The following CAP2 variants were observed in gnomAD, a reference collection of about 807,000 sequenced individuals.
CAP2 encodes the protein adenylyl cyclase-associated protein 2.
CAP2 carries 24 observed loss-of-function variants against 57.7 expected under a neutral mutation model. The observed-to-expected ratio is 0.42, with a 90% CI of 0.30 to 0.58. CAP2 has a LOEUF of 0.58. Ranked by LOEUF, CAP2 falls within the 20% of genes least tolerant of loss-of-function variation. The pLI is 0.22. For missense variants in CAP2, 501 were observed against 590.3 expected (o/e 0.85, Z 1.57); for synonymous variants, 194 against 207.2 (o/e 0.94, Z 0.55).
chr6:17,515,415 G>A (rs190882073), intron 7 of CAP2, among the ~76,000 whole-genome samples: 2 of 152,170 alleles, frequency 1.3e-5, no homozygotes, highest in Admixed American at 1.3e-4. Flanking sequence ...ATGGGTACAC[G>A]TGGACATAAA....
chr6:17,443,390 A>G lies in CAP2; in HGVS notation c.222+16700A>G, dbSNP rs578019302. 2.0e-5 allele frequency among the ~76,000 whole-genome samples: 3 copies of G among 152,298 alleles called. No homozygotes were observed. The East Asian group carries it at 5.8e-4, about 29-fold the overall frequency. On this transcript the variant is annotated intron_variant, in intron 3 of 12. Coordinates refer to ENST00000229922, the MANE Select transcript of CAP2 (RefSeq NM_006366.3). ...TCTTTTCCCTACTTGCCGTCTTTCT[A>G]AAACTGTGCCCATAATTGGAAATTT...
intron 4 of CAP2, among the ~76,000 whole-genome samples, chr6:17,490,346 G>A (rs1294364523): frequency 3.3e-5 from 5 of 152,162 alleles, no homozygotes; most frequent in African/African-American, 1.2e-4. Context: ...ATGTGCAGTT[G>A]CAACTTTGAG....
intron 1 of CAP2, among the ~76,000 whole-genome samples, chr6:17,400,877 AAAAG>A (rs1217899762): frequency 6.6e-6 from 1 of 152,148 alleles, no homozygotes; most frequent in African/African-American, 2.4e-5. Flanking sequence ...AAAAAAAAAA[AAAAG>A]AATCACTGGA....
chr6:17,487,240 G>A (rs1387747395), intron 4 of CAP2, among the ~76,000 whole-genome samples: 2 of 152,036 alleles, frequency 1.3e-5, no homozygotes, highest in African/African-American at 2.4e-5. Context: ...GTCCCCAGTC[G>A]CTTATCAAGC....
intron 3 of CAP2, among the ~76,000 whole-genome samples, chr6:17,432,170 A>G (rs1343800346): frequency 6.6e-6 from 1 of 152,214 alleles, no homozygotes; most frequent in African/African-American, 2.4e-5. Flanking sequence ...ATAATACAGA[A>G]TATCTGCATG....
intron 11 of CAP2, among the ~76,000 whole-genome samples, chr6:17,551,067 T>C (rs1763161021): frequency 6.6e-6 from 1 of 152,218 alleles, no homozygotes; most frequent in East Asian, 1.9e-4. Flanking sequence ...TCATAGAGAT[T>C]TGTCAAAAGT....
intron 4 of CAP2, among the ~76,000 whole-genome samples, chr6:17,469,416 C>CTGTG (rs145245116): frequency 6.7e-6 from 1 of 150,102 alleles, no homozygotes; most frequent in African/African-American, 2.5e-5. Context: ...CTGTGTGTGT[C>CTGTG]TGTGTGTGTG....
intron 3 of CAP2, among the ~76,000 whole-genome samples, chr6:17,449,693 G>A (rs1180854403): frequency 1.3e-5 from 2 of 152,130 alleles, no homozygotes; most frequent in African/African-American, 4.8e-5. Flanking sequence ...ACAAGCATGA[G>A]CCACCATGCC....
chr6:17,502,925 G>T (rs1222355931), intron 4 of CAP2, among the ~76,000 whole-genome samples: 1 of 152,194 alleles, frequency 6.6e-6, no homozygotes, highest in African/African-American at 2.4e-5. Flanking sequence ...CTTTGATCAG[G>T]TGTTGTATTT....
intron 4 of CAP2, among the ~76,000 whole-genome samples, chr6:17,477,170 G>A (rs948539879): frequency 1.3e-5 from 2 of 152,122 alleles, no homozygotes; most frequent in African/African-American, 4.8e-5. Flanking sequence ...CACCGTGCCC[G>A]GCCTTATTTT....
At chr6:17,457,085 C>T (rs1420689179) in intron 3 of CAP2, among the ~76,000 whole-genome samples, 1 of 152,182 alleles carries the variant, frequency 6.6e-6, no homozygotes, top group Admixed American at 6.5e-5. Context: ...GATGTTCCAC[C>T]AGCCTATCTG....
intron 3 of CAP2, among the ~76,000 whole-genome samples, chr6:17,439,930 G>A (rs1023106999): frequency 1.3e-5 from 2 of 151,488 alleles, no homozygotes; most frequent in African/African-American, 4.9e-5. Context: ...GGGGACCCCT[G>A]ATTCAGAGTA....
At chr6:17,480,463 C>T (rs965332497) in intron 4 of CAP2, among the ~76,000 whole-genome samples, 1 of 152,052 alleles carries the variant, frequency 6.6e-6, no homozygotes, top group African/African-American at 2.4e-5. Context: ...CCAACGAGGG[C>T]AAAAGATAAA....
chr6:17,426,486 C>T (rs760719925), intron 2 of CAP2, 104 bp from the exon 3 acceptor site: 18 of 779,212 alleles, frequency 2.3e-5, no homozygotes, highest in Admixed American at 3.7e-5. Context: ...CTGCCTGCCT[C>T]GGACTCCCAA....
At chr6:17,533,670 G>A (rs1762704018) in intron 7 of CAP2, among the ~76,000 whole-genome samples, 1 of 151,312 alleles carries the variant, frequency 6.6e-6, no homozygotes, top group Admixed American at 6.6e-5. Flanking sequence ...CTGGGTTCAA[G>A]CGATTCTCCT....
At chr6:17,471,378 T>C (rs1012656590) in intron 4 of CAP2, among the ~76,000 whole-genome samples, 2 of 152,244 alleles carry the variant, frequency 1.3e-5, no homozygotes, top group African/African-American at 2.4e-5. Flanking sequence ...TTTTGAAATA[T>C]TGCTATGAAG....
At chr6:17,435,733 C>CAAAA (rs1215274639) in intron 3 of CAP2, among the ~76,000 whole-genome samples, 1 of 72,178 alleles carries the variant, frequency 1.4e-5, no homozygotes, top group Non-Finnish European at 2.6e-5. Context: ...AAAAAAAAAA[C>CAAAA]AAAAAAAAAA....
rs558190812 is a variant in CAP2, at chr6:17,456,262, C to G, written c.223-6734C>G. ...GGACACACAGAACCACTGATTCAAG[C>G]CTTCTGCGAGGTGCATAATATGTCA... is the stretch of plus-strand genomic sequence containing the variant. On this transcript the variant is annotated intron_variant, in intron 3 of 12. Coordinates refer to ENST00000229922, the MANE Select transcript of CAP2 (RefSeq NM_006366.3). 7.2e-5 allele frequency among the ~76,000 whole-genome samples: 11 copies of G among 152,272 alleles called. No homozygotes were observed. In the East Asian group the frequency reaches 1.2e-3, roughly 16 times the overall value.
chr6:17,447,980 T>C (rs772401164), intron 3 of CAP2, among the ~76,000 whole-genome samples: 1 of 152,248 alleles, frequency 6.6e-6, no homozygotes, highest in Non-Finnish European at 1.5e-5. Flanking sequence ...TCCTTCATTA[T>C]TAAGCAGTAA....
Sources: gnomAD v4.1 joint callset for allele counts (sites outside exome capture counted in the v4.1 genomes callset) on GRCh38, gnomAD v4.1.1 for gene constraint, MANE v1.5 for transcripts, NCBI Gene and HGNC (gene_info 2026-07-23, HGNC 2026-07-21) for gene names.